KIF3A: variants seen among roughly 807,000 people sequenced by gnomAD.
KIF3A encodes kinesin family member 3A, also known as kinesin-like protein KIF3A.
Under a neutral mutation model 92.6 loss-of-function variants are expected in KIF3A, and 27 were observed. The observed-to-expected ratio is 0.29, with a 90% CI of 0.21 to 0.40. The LOEUF (loss-of-function observed/expected upper bound fraction) is 0.40. Among genes scored for constraint, KIF3A ranks in the 10% least tolerant of loss-of-function variants. The probability of loss-of-function intolerance (pLI) is 1.00; values close to 1 mark genes in which losing one functional copy is unlikely to be tolerated. For synonymous variants in KIF3A, 250 were observed against 275.4 expected (o/e 0.91, Z 0.92); for missense variants, 581 against 872.6 (o/e 0.67, Z 4.21).
chr5:132,725,934 T>C (rs977605098), intron 4 of KIF3A, among the ~76,000 whole-genome samples, 194 bp downstream of exon 4: 1 of 152,152 alleles, frequency 6.6e-6, no homozygotes, highest in Non-Finnish European at 1.5e-5. Flanking sequence ...TTACCAATAA[T>C]TTACCACCTG....
At chr5:132,690,473 AAAC>A (rs1416300777), downstream of KIF3A, among the ~76,000 whole-genome samples, 7 of 152,208 alleles carry the variant, frequency 4.6e-5, no homozygotes, top group African/African-American at 9.7e-5. Flanking sequence ...TGACTATAGT[AAAC>A]AACAACATTT....
intron 11 of KIF3A, 44 bp downstream of exon 11, chr5:132,706,407 G>C (rs1165965338): frequency 1.8e-5 from 26 of 1,440,410 alleles, no homozygotes; most frequent in Non-Finnish European, 2.4e-5. Context: ...TTCTTTATAG[G>C]ATAAATAATT....
intron 2 of KIF3A, among the ~76,000 whole-genome samples, chr5:132,733,534 C>T (rs1754302194): frequency 6.6e-6 from 1 of 152,178 alleles, no homozygotes; most frequent in African/African-American, 2.4e-5. Flanking sequence ...TTTGAAAGGC[C>T]TCAGTAGGAG....
intron 4 of KIF3A, among the ~76,000 whole-genome samples, chr5:132,724,042 T>A (rs1403495439): frequency 6.6e-6 from 1 of 152,034 alleles, no homozygotes; most frequent in African/African-American, 2.4e-5. Context: ...AACAGACACA[T>A]GAAAAAATGC....
At chr5:132,718,339 T>A (rs1753705349) in intron 5 of KIF3A, among the ~76,000 whole-genome samples, 1 of 152,192 alleles carries the variant, frequency 6.6e-6, no homozygotes, top group Non-Finnish European at 1.5e-5. Flanking sequence ...AGACAGGGTC[T>A]CCCTCTGTCA....
intron 2 of KIF3A, among the ~76,000 whole-genome samples, chr5:132,731,621 AGGTTCTAG>A (rs1383308084): frequency 3.9e-5 from 6 of 152,194 alleles, no homozygotes; most frequent in African/African-American, 1.4e-4. Flanking sequence ...AATTTACTGG[AGGTTCTAG>A]CCTCCAGGTG....
chr5:132,722,434 C>T (rs898719265), intron 4 of KIF3A, among the ~76,000 whole-genome samples: 14 of 152,050 alleles, frequency 9.2e-5, no homozygotes, highest in African/African-American at 2.9e-4. Flanking sequence ...TAGAAATTTG[C>T]GCAAGAGTTT....
At chr5:132,717,363 A>G (rs1015541431) in intron 5 of KIF3A, among the ~76,000 whole-genome samples, 1 of 152,126 alleles carries the variant, frequency 6.6e-6, no homozygotes, top group African/African-American at 2.4e-5. Context: ...CAATAATAAT[A>G]AAGAGAATTT....
At chr5:132,730,404 A>G (rs1341763946) in intron 2 of KIF3A, among the ~76,000 whole-genome samples, 4 of 151,644 alleles carry the variant, frequency 2.6e-5, no homozygotes, top group African/African-American at 9.7e-5. Flanking sequence ...GAAGCAGAGG[A>G]GACAGTGAGC....
Position 132,700,269 on chromosome 5 carries a change from T to C in KIF3A, c.1954A>G (p.Thr652Ala). 6.3e-7 allele frequency: 1 copy of C among 1,595,580 alleles called. No homozygotes were observed. Among genetic ancestry groups the C allele is most frequent in the Non-Finnish European group, 8.6e-7 (1 of 1,168,474 alleles). ...GTTTGCTTCCTCATGTTATTTCCTG[T>C]ATAAGCAACACATTTCTCAAAAAAA... The part of the protein sequence containing the change: ...GEWQLKCVAY[T>A]GNNMRKQTPV... Residue 652 changes from threonine (T) to alanine (A), a missense_variant, in exon 17 of 19, where the codon ACA (threonine) becomes GCA (alanine). Thr to Ala is a moderately conservative substitution (Grantham distance 58). Transcript: ENST00000403231.
At chr5:132,698,996 C>T (rs1389330303) in intron 18 of KIF3A, among the ~76,000 whole-genome samples, 175 bp downstream of exon 18, 2 of 152,152 alleles carry the variant, frequency 1.3e-5, no homozygotes, top group African/African-American at 4.8e-5. Context: ...CCTCGGCCTC[C>T]CAAAATGCTG....
At position 132,708,954 on chromosome 5, in the gene KIF3A, T is replaced by C. The variant is rs994151766; in HGVS notation, c.1253A>G (p.Asp418Gly). 4.5e-6 allele frequency: 7 copies of C among 1,549,916 alleles called. No homozygotes were observed. Among genetic ancestry groups the C allele is most frequent in the African/African-American group, 4.1e-5 (3 of 72,924 alleles). Residue 418 changes from aspartate to glycine, a missense_variant, in exon 10 of 19, where the codon GAC (aspartate) becomes GGC (glycine). By Grantham distance (94) the Asp-to-Gly change is moderately conservative. Coordinates refer to ENST00000403231, the MANE Select transcript of KIF3A (RefSeq NM_001300791.2). ...RRGSSSSSSSDSTCSVIEKPL... is the reference protein window; with the variant it reads ...RRGSSSSSSSGSTCSVIEKPL... ...TTTCTCTATGACAGAACATGTGGAG[T>C]CTGAACTACTGCTGCTGCTACTGCC...
At chr5:132,715,113 A>G (rs1448175373) in intron 8 of KIF3A, among the ~76,000 whole-genome samples, 1 of 152,188 alleles carries the variant, frequency 6.6e-6, no homozygotes, top group Non-Finnish European at 1.5e-5. Flanking sequence ...TGGTTCGCGA[A>G]GGAGCTCTGT....
chr5:132,731,515 T>C (rs1294502456), intron 2 of KIF3A, among the ~76,000 whole-genome samples: 1 of 152,192 alleles, frequency 6.6e-6, no homozygotes, highest in Non-Finnish European at 1.5e-5. Context: ...AAAGGATATC[T>C]GTTAAAATTT....
intron 1 of KIF3A, 140 bp from the exon 2 acceptor site, chr5:132,734,618 G>A: frequency 1.5e-6 from 1 of 663,340 alleles, no homozygotes; most frequent in East Asian, 2.8e-5. Context: ...TTTGTTAAAT[G>A]CAATTAAAGA....
At chr5:132,715,990 C>A in intron 7 of KIF3A, 59 bp from the exon 8 acceptor site, 1 of 1,213,846 alleles carries the variant, frequency 8.2e-7, no homozygotes. Flanking sequence ...AAAATTAATA[C>A]TACCATTACA....
intron 12 of KIF3A, 145 bp from the exon 13 acceptor site, chr5:132,703,210 A>T (rs1753101024): frequency 2.8e-6 from 2 of 719,332 alleles, no homozygotes; most frequent in Non-Finnish European, 2.2e-6. Flanking sequence ...ACCACTGTGT[A>T]GTATCGATTT....
chr5:132,733,514 A>G (rs75828042), intron 2 of KIF3A, among the ~76,000 whole-genome samples: 2,896 of 152,346 alleles, frequency 0.019, 76 homozygotes, highest in African/African-American at 0.061. Context: ...GACATGGGAA[A>G]TCCCAGGGCT....
At chr5:132,727,312 T>C (rs1349963374) in intron 2 of KIF3A, among the ~76,000 whole-genome samples, 1 of 152,200 alleles carries the variant, frequency 6.6e-6, no homozygotes, top group Non-Finnish European at 1.5e-5. Context: ...ATGTGTATAA[T>C]CTTGGGTTTA....
Sources: allele counts gnomAD v4.1 joint callset (sites outside exome capture counted in the v4.1 genomes callset), GRCh38; gene constraint gnomAD v4.1.1; transcripts MANE v1.5; gene names NCBI Gene and HGNC (gene_info 2026-07-23, HGNC 2026-07-21).